Variants in ZFAT observed in about 807,000 individuals in gnomAD.
The protein encoded by ZFAT is zinc finger protein ZFAT.
A neutral mutation model predicts 117.7 loss-of-function variants in ZFAT; 64 were observed. That is an observed-to-expected ratio of 0.54 (90% CI 0.44 to 0.67). The LOEUF is 0.67. ZFAT is among the 30% of genes least tolerant of loss of function. The pLI is 0.00. For missense variants in ZFAT, 1,433 were observed against 1,584.5 expected, an observed-to-expected ratio of 0.90 and a Z score of 1.62; for synonymous variants, 679 against 615.0, an observed-to-expected ratio of 1.10 and a Z score of -1.54.
intron 15 of ZFAT, among the ~76,000 whole-genome samples, chr8:134,485,238 G>A (rs1162323914): frequency 2.6e-5 from 4 of 152,104 alleles, no homozygotes; most frequent in Admixed American, 6.5e-5. Context: ...CCCCTGCTCC[G>A]CCTGGCCTCT....
At chr8:134,607,183 A>G (rs1411288321) in intron 5 of ZFAT, among the ~76,000 whole-genome samples, 2 of 152,242 alleles carry the variant, frequency 1.3e-5, no homozygotes, top group Non-Finnish European at 2.9e-5. Flanking sequence ...AATATTGTGA[A>G]GATAATTAAT....
chr8:134,494,261 T>C (rs1451231094), intron 15 of ZFAT, among the ~76,000 whole-genome samples: 1 of 152,100 alleles, frequency 6.6e-6, no homozygotes, highest in Admixed American at 6.5e-5. Context: ...ACTTTAGGAG[T>C]AGTTTCCTTT....
At chr8:134,565,248 T>G in intron 11 of ZFAT, 85 bp downstream of exon 11, 1 of 1,596,442 alleles carries the variant, frequency 6.3e-7, no homozygotes. Flanking sequence ...CAACAAACAA[T>G]GAAAGAATGC....
At chr8:134,704,901 A>C (rs1834106654) in intron 1 of ZFAT, among the ~76,000 whole-genome samples, 1 of 152,170 alleles carries the variant, frequency 6.6e-6, no homozygotes, top group African/African-American at 2.4e-5. Flanking sequence ...CCTTTAAAAA[A>C]AAAAACAAAA....
the ZFAT span, among the ~76,000 whole-genome samples, chr8:134,746,134 T>C: frequency 1.3e-5 from 2 of 152,210 alleles, no homozygotes; most frequent in Non-Finnish European, 2.9e-5. Context: ...TTGCAGTACA[T>C]TGAAAAAGCA....
chr8:134,524,897 T>C (rs1677319554), intron 12 of ZFAT, among the ~76,000 whole-genome samples: 1 of 152,192 alleles, frequency 6.6e-6, no homozygotes, highest in African/African-American at 2.4e-5. Context: ...AACTGGGCAG[T>C]TACCATGCAT....
rs916023658 is a variant in ZFAT at position 134,559,036 on chromosome 8, A to T, written c.2976+6297T>A. 2.0e-5 allele frequency among the ~76,000 whole-genome samples: 3 copies of T among 152,250 alleles called. No individual in the cohort carries two copies. In the East Asian group the frequency reaches 5.8e-4, roughly 29 times the overall value. ...ATCTTCATAGGATGGTATCATGGAT[A>T]AGAAACATGTTTACATTCTGCTTTG... On this transcript the variant is annotated intron_variant, in intron 11 of 15. Transcript: ENST00000377838.
intron 7 of ZFAT, among the ~76,000 whole-genome samples, chr8:134,590,945 G>A (rs559265359): frequency 3.7e-4 from 57 of 152,232 alleles, no homozygotes; most frequent in South Asian, 3.7e-3. Context: ...TCTACCTGGC[G>A]CTGCACAGCC....
intron 1 of ZFAT, among the ~76,000 whole-genome samples, chr8:134,675,077 C>T (rs370892983): frequency 1.2e-4 from 19 of 152,318 alleles, no homozygotes; most frequent in East Asian, 7.7e-4. Context: ...TCCTCGCCAG[C>T]GAGGGGACAA....
At chr8:134,714,700 T>C (rs1021417086), upstream of ZFAT, among the ~76,000 whole-genome samples, 3 of 152,260 alleles carry the variant, frequency 2.0e-5, no homozygotes, top group Non-Finnish European at 2.9e-5. Context: ...TTATTGTCCT[T>C]TTCCAGATGA....
chr8:134,736,226 A>T, the ZFAT span, among the ~76,000 whole-genome samples: 1 of 152,180 alleles, frequency 6.6e-6, no homozygotes, highest in African/African-American at 2.4e-5. Flanking sequence ...GAGAATAAAT[A>T]AAAACGACCA....
the ZFAT span, among the ~76,000 whole-genome samples, chr8:134,743,088 A>G: frequency 6.6e-6 from 1 of 152,246 alleles, no homozygotes; most frequent in African/African-American, 2.4e-5. Flanking sequence ...TGGCCGATCC[A>G]TGACTGAAAC....
At chr8:134,758,182 T>C in the ZFAT span, among the ~76,000 whole-genome samples, 1 of 152,100 alleles carries the variant, frequency 6.6e-6, no homozygotes, top group Admixed American at 6.5e-5. Flanking sequence ...AGCAGAAATG[T>C]GAGGGGGATT....
At chr8:134,784,946 C>A in the ZFAT span, 48 of 152,238 alleles carry the variant, frequency 3.2e-4, no homozygotes, top group African/African-American at 1.1e-3. Flanking sequence ...CAAATGCCTA[C>A]AAGCTTTAAG....
At chr8:134,799,279 G>A in the ZFAT span, among the ~76,000 whole-genome samples, 1 of 152,050 alleles carries the variant, frequency 6.6e-6, no homozygotes, top group Non-Finnish European at 1.5e-5. Flanking sequence ...CTGGATTTAG[G>A]CACAGGCAAG....
intron 1 of ZFAT, among the ~76,000 whole-genome samples, chr8:134,704,481 A>G (rs1834095532): frequency 6.6e-6 from 1 of 152,112 alleles, no homozygotes; most frequent in South Asian, 2.1e-4. Context: ...TCTCTGAACT[A>G]TTTCTCTAAA....
Position 134,608,928 on chromosome 8 carries a change from G to A in ZFAT, c.635-49C>T, listed in dbSNP as rs764143272. The stretch of plus-strand genomic sequence containing the variant: ...GCTTATTGAGAGGCATCGAAAGTGG[G>A]CACTGACCCCATCGCAGCAGAGGGG... On this transcript the variant is annotated intron_variant, in intron 4 of 15. Transcript: ENST00000377838. The A allele has an allele frequency of 2.5e-6, 4 of 1,570,400 alleles. No individual in the cohort carries two copies. In the South Asian group the frequency reaches 3.6e-5, roughly 14 times the overall value.
At chr8:134,771,999 G>T in the ZFAT span, among the ~76,000 whole-genome samples, 1 of 152,198 alleles carries the variant, frequency 6.6e-6, no homozygotes, top group South Asian at 2.1e-4. Context: ...CAAGAGAATA[G>T]CATGGGGAGA....
At chr8:134,544,651 A>C (rs184116393) in intron 11 of ZFAT, among the ~76,000 whole-genome samples, 1 of 152,336 alleles carries the variant, frequency 6.6e-6, no homozygotes, top group African/African-American at 2.4e-5. Flanking sequence ...ACTTTACTAG[A>C]AGAAAAGGTG....
Sources: gnomAD v4.1 joint callset for allele counts (sites outside exome capture counted in the v4.1 genomes callset) on GRCh38, gnomAD v4.1.1 for gene constraint, MANE v1.5 for transcripts, NCBI Gene and HGNC (gene_info 2026-07-23, HGNC 2026-07-21) for gene names.